Variants in SLC2A13 observed in about 807,000 individuals in gnomAD.
SLC2A13 encodes the protein proton myo-inositol cotransporter.
SLC2A13 carries 32 observed loss-of-function variants against 64.4 expected under a neutral mutation model. The ratio of observed to expected loss-of-function variants is 0.50; its 90% CI spans 0.37 to 0.67. The LOEUF is 0.67. Among genes scored for constraint, SLC2A13 ranks in the 30% least tolerant of loss-of-function variants. The pLI, the probability that SLC2A13 is intolerant of heterozygous loss-of-function variation, is 0.00. For synonymous variants in SLC2A13, 338 were observed against 327.1 expected (o/e 1.03, Z -0.36); for missense variants, 743 against 829.2 (o/e 0.90, Z 1.28).
At chr12:39,772,749 G>C in intron 7 of SLC2A13, among the ~76,000 whole-genome samples, 1 of 152,216 alleles carries the variant, frequency 6.6e-6, no homozygotes, top group Middle Eastern at 3.4e-3. Context: ...AGTTCCTAGG[G>C]TGATCTCCTG....
At chr12:39,957,742 T>A (rs530018787) in intron 3 of SLC2A13, among the ~76,000 whole-genome samples, 4 of 152,358 alleles carry the variant, frequency 2.6e-5, no homozygotes, top group Admixed American at 6.5e-5. Context: ...ACATTCACTT[T>A]AAGCATTCCT....
intron 4 of SLC2A13, among the ~76,000 whole-genome samples, chr12:39,944,159 T>C (rs1296075526): frequency 3.3e-5 from 5 of 152,246 alleles, no homozygotes; most frequent in Admixed American, 6.5e-5. Flanking sequence ...GTTTTGAAAG[T>C]TCCTTTTGGA....
At chr12:40,062,552 T>C (rs1948439826) in intron 1 of SLC2A13, among the ~76,000 whole-genome samples, 1 of 152,044 alleles carries the variant, frequency 6.6e-6, no homozygotes, top group African/African-American at 2.4e-5. Flanking sequence ...AAACATCAAC[T>C]CTCTAAGATA....
chr12:39,797,909 A>C (rs1414611416), intron 7 of SLC2A13, among the ~76,000 whole-genome samples: 2 of 152,212 alleles, frequency 1.3e-5, no homozygotes, highest in Non-Finnish European at 2.9e-5. Context: ...GTCAGCCTCC[A>C]GAATATCCCC....
intron 7 of SLC2A13, among the ~76,000 whole-genome samples, chr12:39,781,250 G>T (rs763996045): frequency 1.3e-4 from 20 of 152,136 alleles, no homozygotes; most frequent in Non-Finnish European, 2.4e-4. Context: ...AGCTTAACAG[G>T]TCTATTAAAA....
intron 3 of SLC2A13, among the ~76,000 whole-genome samples, chr12:39,965,998 G>A (rs1405915410): frequency 6.6e-6 from 1 of 151,968 alleles, no homozygotes; most frequent in Non-Finnish European, 1.5e-5. Context: ...CCTATGGGAT[G>A]CGGGGCTTGA....
intron 4 of SLC2A13, among the ~76,000 whole-genome samples, chr12:39,928,464 T>C (rs532512958): frequency 6.6e-6 from 1 of 152,282 alleles, no homozygotes; most frequent in Admixed American, 6.5e-5. Context: ...AAAATAGAGC[T>C]AAAATGCTAG....
intron 6 of SLC2A13, among the ~76,000 whole-genome samples, chr12:39,848,731 T>C (rs1195739410): frequency 3.3e-5 from 5 of 152,194 alleles, no homozygotes; most frequent in Admixed American, 6.5e-5. Flanking sequence ...GGAATGTTCA[T>C]TGTACCACTA....
intron 6 of SLC2A13, among the ~76,000 whole-genome samples, chr12:39,834,875 A>C (rs1402016774): frequency 6.6e-6 from 1 of 152,104 alleles, no homozygotes; most frequent in Non-Finnish European, 1.5e-5. Flanking sequence ...AACTTTAAAT[A>C]TCCTGGGGAA....
intron 3 of SLC2A13, among the ~76,000 whole-genome samples, chr12:39,979,106 G>C (rs1008861672): frequency 6.6e-6 from 1 of 151,776 alleles, no homozygotes; most frequent in Non-Finnish European, 1.5e-5. Flanking sequence ...ACCTGCAGCT[G>C]AGGGTCCTGT....
In SLC2A13 at chr12:40,036,017, T is replaced by A. The variant is rs1472813686; in HGVS notation, c.717-7508A>T. Among the ~76,000 whole-genome samples the A allele has an allele frequency of 2.6e-5, 4 of 152,220 alleles. No individual in the cohort carries two copies. In the East Asian group the frequency reaches 5.8e-4, roughly 22 times the overall value. ...TTCTTAAATATACACATATCCTTTT[T>A]TCCCCCCAAACTCTGAGAATCATCC... On this transcript the variant is annotated intron_variant, in intron 2 of 9. Coordinates refer to ENST00000280871, the MANE Select transcript of SLC2A13 (RefSeq NM_052885.4).
chr12:39,947,620 T>C (rs928415271), intron 4 of SLC2A13, among the ~76,000 whole-genome samples: 11 of 152,066 alleles, frequency 7.2e-5, no homozygotes, highest in Non-Finnish European at 1.2e-4. Flanking sequence ...ATCTTTGATA[T>C]TATAACTAGA....
intron 7 of SLC2A13, among the ~76,000 whole-genome samples, chr12:39,765,233 T>C (rs914106632): frequency 6.6e-6 from 1 of 152,102 alleles, no homozygotes; most frequent in Non-Finnish European, 1.5e-5. Context: ...CAGATACTTT[T>C]CATCTGATAA....
At chr12:40,079,208 G>C (rs921367156) in intron 1 of SLC2A13, among the ~76,000 whole-genome samples, 1 of 152,174 alleles carries the variant, frequency 6.6e-6, no homozygotes, top group Non-Finnish European at 1.5e-5. Flanking sequence ...CTCTAGGTGT[G>C]ATGCTGGGTT....
chr12:39,965,517 G>C (rs2136120812), intron 3 of SLC2A13, among the ~76,000 whole-genome samples: 1 of 152,236 alleles, frequency 6.6e-6, no homozygotes, highest in East Asian at 1.9e-4. Context: ...ACCTGGCTTA[G>C]AATAAAGTAA....
chr12:39,939,842 C>A (rs897668203), intron 4 of SLC2A13, among the ~76,000 whole-genome samples: 8 of 152,342 alleles, frequency 5.3e-5, no homozygotes, highest in African/African-American at 1.9e-4. Flanking sequence ...AACGTTTTAG[C>A]TTCCATTCTA....
chr12:39,886,078 C>G (rs1540697), intron 4 of SLC2A13, among the ~76,000 whole-genome samples: 150,956 of 152,302 alleles, frequency 0.99, 74,831 homozygotes, highest in Middle Eastern at 1. Context: ...CTGAAATAAA[C>G]AGGTCAAGGT....
At chr12:39,838,457 A>T (rs1213040886) in intron 6 of SLC2A13, among the ~76,000 whole-genome samples, 2 of 150,390 alleles carry the variant, frequency 1.3e-5, no homozygotes, top group African/African-American at 4.9e-5. Context: ...TAACCTGCAC[A>T]ATGTGCACAT....
chr12:39,843,227 G>A (rs748939218), intron 6 of SLC2A13, among the ~76,000 whole-genome samples: 1 of 151,868 alleles, frequency 6.6e-6, no homozygotes, highest in Non-Finnish European at 1.5e-5. Context: ...ACACTTTTTC[G>A]TACTTGATCT....
Sources: allele counts gnomAD v4.1 joint callset (sites outside exome capture counted in the v4.1 genomes callset), GRCh38; gene constraint gnomAD v4.1.1; transcripts MANE v1.5; gene names NCBI Gene and HGNC (gene_info 2026-07-23, HGNC 2026-07-21).